The following GLG1 variants were observed in gnomAD, a reference collection of about 807,000 sequenced individuals.
The protein encoded by GLG1 is Golgi apparatus protein 1.
In GLG1, 38 loss-of-function variants were observed where a neutral mutation model predicts 160.5. The ratio of observed to expected loss-of-function variants is 0.24; its 90% CI spans 0.18 to 0.31. The LOEUF (loss-of-function observed/expected upper bound fraction) is 0.31. Among genes scored for constraint, GLG1 ranks in the 10% least tolerant of loss-of-function variants. GLG1 has a pLI of 1.00. For missense variants in GLG1, 1,373 were observed against 1,505.2 expected, an observed-to-expected ratio of 0.91 and a Z score of 1.45; for synonymous variants, 644 against 543.4, an observed-to-expected ratio of 1.19 and a Z score of -2.57.
intron 1 of GLG1, among the ~76,000 whole-genome samples, chr16:74,605,758 C>T (rs1238795840): frequency 6.6e-6 from 1 of 151,944 alleles, no homozygotes; most frequent in Non-Finnish European, 1.5e-5. Flanking sequence ...AAACCAAAAA[C>T]AGTATCAAGT....
intron 1 of GLG1, among the ~76,000 whole-genome samples, chr16:74,588,909 T>C (rs1333379537): frequency 1.3e-5 from 2 of 151,984 alleles, no homozygotes; most frequent in South Asian, 4.2e-4. Flanking sequence ...AGGGAAAAGG[T>C]TGTTAGACCA....
chr16:74,492,299 G>A (rs149251064), intron 7 of GLG1, among the ~76,000 whole-genome samples: 2,104 of 151,514 alleles, frequency 0.014, 36 homozygotes, highest in African/African-American at 0.048. Context: ...CTAGGGAGTC[G>A]GAGGTAGCAG....
chr16:74,537,476 C>G (rs901543304), intron 1 of GLG1, among the ~76,000 whole-genome samples: 5 of 148,850 alleles, frequency 3.4e-5, no homozygotes, highest in South Asian at 2.2e-4. Context: ...TCTCTAAACC[C>G]CTAACAACAG....
chr16:74,600,147 G>A (rs187241024), intron 1 of GLG1, among the ~76,000 whole-genome samples: 224 of 152,242 alleles, frequency 1.5e-3, no homozygotes, highest in Non-Finnish European at 2.9e-3. Context: ...GTATGTGTTG[G>A]TACTTATATT....
chr16:74,584,138 T>C (rs770955986), intron 1 of GLG1, among the ~76,000 whole-genome samples: 1 of 152,108 alleles, frequency 6.6e-6, no homozygotes, highest in Non-Finnish European at 1.5e-5. Flanking sequence ...CATCATGACA[T>C]TCTCCTACCC....
intron 1 of GLG1, among the ~76,000 whole-genome samples, chr16:74,560,339 T>C (rs1213544174): frequency 6.7e-6 from 1 of 149,382 alleles, no homozygotes; most frequent in Non-Finnish European, 1.5e-5. Context: ...TTTTTTTTTT[T>C]TTTTTTGAGA....
At chr16:74,593,233 C>T (rs1047036427) in intron 1 of GLG1, among the ~76,000 whole-genome samples, 5 of 152,128 alleles carry the variant, frequency 3.3e-5, no homozygotes, top group Non-Finnish European at 7.3e-5. Flanking sequence ...CACTAATTAA[C>T]AGATGGCATT....
rs34213815 is a variant in GLG1, at chr16:74,586,604, A to C, written c.438+20053T>G. 4.8e-3 allele frequency among the ~76,000 whole-genome samples: 734 copies of C among 152,280 alleles called. 6 individuals carry two copies. The highest frequency in any genetic ancestry group is 6.3e-3 in the Admixed American group (96 of 15,284). ...ATCCTCTCACCTCAGCCTCCAGAGCAGCTGGGACTACAGGAGCCTGCCACC... is the reference window on the plus strand; with the variant it reads ...ATCCTCTCACCTCAGCCTCCAGAGCCGCTGGGACTACAGGAGCCTGCCACC... On this transcript the variant is annotated intron_variant, in intron 1 of 25. Transcript: ENST00000422840.
chr16:74,512,227 C>T (rs528419364), intron 2 of GLG1, among the ~76,000 whole-genome samples: 5 of 143,150 alleles, frequency 3.5e-5, no homozygotes, highest in South Asian at 4.8e-4. Context: ...GGCGCGATCT[C>T]GACTCACTGA....
chr16:74,572,328 C>T (rs949942652), intron 1 of GLG1, among the ~76,000 whole-genome samples: 2 of 152,026 alleles, frequency 1.3e-5, no homozygotes, highest in African/African-American at 4.8e-5. Context: ...CTGGCCAACA[C>T]AGTGAAACCC....
chr16:74,572,554 A>G (rs1297634333), intron 1 of GLG1, among the ~76,000 whole-genome samples: 2 of 150,842 alleles, frequency 1.3e-5, no homozygotes, highest in African/African-American at 2.4e-5. Flanking sequence ...AAAACACCCC[A>G]AAGGACTGGG....
chr16:74,493,033 A>G lies in GLG1; in HGVS notation c.1158T>C (p.Asn386=), dbSNP rs778283002. Residue 386 remains asparagine (N), a synonymous_variant, in exon 7 of 26, where the codon AAT becomes AAC. Transcript: ENST00000422840. ...CKSDLKKYRC[N]VENLPRSREA... ...CACGCGATCGCGGAAGGTTTTCCAC[A>G]TTGCACCGGTATTTCTTCAAGTCAC... 1.2e-5 allele frequency: 20 copies of G among 1,613,860 alleles called. No homozygotes were observed. The highest frequency in any genetic ancestry group is 8.0e-5 in the African/African-American group (6 of 74,892).
At chr16:74,510,453 T>C (rs1199276267) in intron 2 of GLG1, among the ~76,000 whole-genome samples, 1 of 152,240 alleles carries the variant, frequency 6.6e-6, no homozygotes, top group Non-Finnish European at 1.5e-5. Flanking sequence ...AATATTTTGA[T>C]AAGTGATCCA....
At chr16:74,532,874 T>C (rs980624726) in intron 1 of GLG1, among the ~76,000 whole-genome samples, 1 of 152,278 alleles carries the variant, frequency 6.6e-6, no homozygotes, top group Non-Finnish European at 1.5e-5. Flanking sequence ...TGGGGGAAGC[T>C]ATGTGATGGG....
At chr16:74,469,729 G>C (rs1292938098) in intron 16 of GLG1, 2 of 494,568 alleles carry the variant, frequency 4.0e-6, no homozygotes, top group East Asian at 3.5e-5. Flanking sequence ...AGCCCTACTT[G>C]GTCAGTTAGA....
chr16:74,463,720 T>G (rs1489964928), intron 19 of GLG1, among the ~76,000 whole-genome samples: 1 of 109,992 alleles, frequency 9.1e-6, no homozygotes, highest in East Asian at 3.1e-4. Context: ...CCCAGCTCAT[T>G]TTTGTGTTTT....
chr16:74,510,527 G>T (rs8054157), intron 2 of GLG1, among the ~76,000 whole-genome samples: 147,709 of 152,308 alleles, frequency 0.97, 71,807 homozygotes, highest in East Asian at 1. Flanking sequence ...GCAGAGACTT[G>T]GGATGATGTA....
At chr16:74,465,351 C>G (rs1052745037) in intron 19 of GLG1, among the ~76,000 whole-genome samples, 1 of 152,182 alleles carries the variant, frequency 6.6e-6, no homozygotes, top group African/African-American at 2.4e-5. Flanking sequence ...CAAAACCAAT[C>G]ATTTATTTAT....
At chr16:74,590,940 T>G (rs1714005805) in intron 1 of GLG1, among the ~76,000 whole-genome samples, 1 of 149,326 alleles carries the variant, frequency 6.7e-6, no homozygotes, top group Non-Finnish European at 1.5e-5. Flanking sequence ...AGGAGGGCCT[T>G]TCTTGTTAAA....
Sources: allele counts gnomAD v4.1 joint callset (sites outside exome capture counted in the v4.1 genomes callset), GRCh38; gene constraint gnomAD v4.1.1; transcripts MANE v1.5; gene names NCBI Gene and HGNC (gene_info 2026-07-23, HGNC 2026-07-21).